TMEM135: variants seen among roughly 807,000 people sequenced by gnomAD.
TMEM135 encodes the protein peroxisomal membrane protein 52.
In TMEM135, 30 loss-of-function variants were observed where a neutral mutation model predicts 60.3. The observed-to-expected ratio is 0.50, with a 90% CI of 0.37 to 0.68. The LOEUF (loss-of-function observed/expected upper bound fraction) is 0.68. Among genes scored for constraint, TMEM135 ranks in the 30% least tolerant of loss-of-function variants. The pLI, the probability that TMEM135 is intolerant of heterozygous loss-of-function variation, is 0.00. For synonymous variants in TMEM135, 190 were observed against 186.7 expected (o/e 1.02, Z -0.14); for missense variants, 468 against 548.8 (o/e 0.85, Z 1.47).
At chr11:87,290,474 A>C (rs1021362208) in intron 6 of TMEM135, among the ~76,000 whole-genome samples, 2 of 152,210 alleles carry the variant, frequency 1.3e-5, no homozygotes, top group African/African-American at 4.8e-5. Flanking sequence ...AAATTCTTCC[A>C]AAAACAGTTT....
chr11:87,270,023 T>G (rs1430533391), intron 6 of TMEM135, among the ~76,000 whole-genome samples: 2 of 126,964 alleles, frequency 1.6e-5, no homozygotes, highest in Admixed American at 7.8e-5. Flanking sequence ...CCTGACTTTT[T>G]AATGATGGCC....
At chr11:87,165,741 A>G (rs1161192318) in intron 5 of TMEM135, among the ~76,000 whole-genome samples, 6 of 151,536 alleles carry the variant, frequency 4.0e-5, no homozygotes, top group East Asian at 1.9e-4. Flanking sequence ...AACTAAAATC[A>G]GAGCAGAACT....
chr11:87,100,966 A>G (rs1857444652), intron 4 of TMEM135, among the ~76,000 whole-genome samples: 1 of 152,246 alleles, frequency 6.6e-6, no homozygotes, highest in African/African-American at 2.4e-5. Flanking sequence ...ACTAGCACTT[A>G]AAAACATACA....
At chr11:87,171,895 A>G (rs1227265495) in intron 5 of TMEM135, among the ~76,000 whole-genome samples, 1 of 152,030 alleles carries the variant, frequency 6.6e-6, no homozygotes, top group Non-Finnish European at 1.5e-5. Context: ...TAGGGTTCAC[A>G]CTCTTATGAG....
At chr11:87,069,198 A>G (rs1417922979) in intron 2 of TMEM135, among the ~76,000 whole-genome samples, 1 of 145,044 alleles carries the variant, frequency 6.9e-6, no homozygotes, top group Non-Finnish European at 1.5e-5. Flanking sequence ...AGGCAGGAGA[A>G]TTGCTTGAAC....
chr11:87,132,108 T>A (rs1395691938), intron 4 of TMEM135, among the ~76,000 whole-genome samples: 1 of 152,164 alleles, frequency 6.6e-6, no homozygotes, highest in Non-Finnish European at 1.5e-5. Context: ...ATTATTTATT[T>A]CATCATATAT....
chr11:87,112,699 C>A (rs73531409), intron 4 of TMEM135, among the ~76,000 whole-genome samples: 1 of 151,900 alleles, frequency 6.6e-6, no homozygotes, highest in Non-Finnish European at 1.5e-5. Context: ...AGTTTTAAAA[C>A]AATACATTAT....
chr11:87,208,332 C>T (rs1247541581), intron 5 of TMEM135, among the ~76,000 whole-genome samples: 2 of 152,066 alleles, frequency 1.3e-5, no homozygotes, highest in Non-Finnish European at 1.5e-5. Context: ...TGAAATGATC[C>T]AAGATTTGAA....
At chr11:87,319,282 TA>T in intron 13 of TMEM135, 27 bp from the exon 14 acceptor site, 1 of 1,565,764 alleles carries the variant, frequency 6.4e-7, no homozygotes, top group Non-Finnish European at 8.8e-7. Flanking sequence ...TTATATTTAC[TA>T]AAAGAATTCT....
chr11:87,191,982 CTTTTCTTT>C (rs1487195024), intron 5 of TMEM135, among the ~76,000 whole-genome samples: 6 of 93,990 alleles, frequency 6.4e-5, no homozygotes, highest in African/African-American at 2.7e-4. Context: ...CTTTTCTTTT[CTTTTCTTT>C]TTTTTTTTTT....
intron 6 of TMEM135, among the ~76,000 whole-genome samples, chr11:87,245,681 T>A (rs1156340440): frequency 3.8e-5 from 5 of 132,290 alleles, no homozygotes; most frequent in Non-Finnish European, 1.6e-5. Flanking sequence ...AACCCCTGCC[T>A]TTTTTTGTTT....
chr11:87,204,892 C>A (rs188124159), intron 5 of TMEM135, among the ~76,000 whole-genome samples: 1 of 152,104 alleles, frequency 6.6e-6, no homozygotes, highest in Non-Finnish European at 1.5e-5. Flanking sequence ...TATGACTATT[C>A]TTTTCTTTAA....
chr11:87,319,984 T>C (rs934884274), intron 14 of TMEM135, among the ~76,000 whole-genome samples: 1 of 152,156 alleles, frequency 6.6e-6, no homozygotes, highest in Admixed American at 6.5e-5. Context: ...TACAATGAAA[T>C]AATAATGCAT....
In TMEM135 at chr11:87,252,252, A is replaced by C. The variant is rs568033341; in HGVS notation, c.509+15568A>C. 4.6e-5 allele frequency among the ~76,000 whole-genome samples: 7 copies of C among 152,270 alleles called. 1 individual carries two copies. The South Asian group carries it at 1.5e-3, about 32-fold the overall frequency. On this transcript the variant is annotated intron_variant, in intron 6 of 14. Coordinates refer to ENST00000305494, the MANE Select transcript of TMEM135 (RefSeq NM_022918.4). Reference sequence around the variant, plus strand: ...TGATAAATTGGGGAATGGGAAAGAGAATAGAGTCTAAACTCTGGTCCATAA... The same window carrying C: ...TGATAAATTGGGGAATGGGAAAGAGCATAGAGTCTAAACTCTGGTCCATAA...
chr11:87,211,810 G>A (rs199540336), intron 5 of TMEM135, among the ~76,000 whole-genome samples: 1 of 152,096 alleles, frequency 6.6e-6, no homozygotes, highest in South Asian at 2.1e-4. Flanking sequence ...TGGGCGTGGT[G>A]GCAGGCGCCT....
chr11:87,281,444 C>T (rs1942058201), intron 6 of TMEM135, among the ~76,000 whole-genome samples: 1 of 152,022 alleles, frequency 6.6e-6, no homozygotes, highest in Admixed American at 6.6e-5. Context: ...TGTAGACTAT[C>T]CTATTTCTGA....
At chr11:87,116,517 AT>A (rs1281825814) in intron 4 of TMEM135, among the ~76,000 whole-genome samples, 1 of 152,196 alleles carries the variant, frequency 6.6e-6, no homozygotes. Context: ...TTATAATTAA[AT>A]TATGACATTT....
intron 4 of TMEM135, among the ~76,000 whole-genome samples, chr11:87,136,542 C>A (rs567408287): frequency 5.3e-5 from 8 of 152,128 alleles, no homozygotes; most frequent in Non-Finnish European, 1.2e-4. Flanking sequence ...TCTTTCTTTT[C>A]AAATTCCTAG....
intron 4 of TMEM135, among the ~76,000 whole-genome samples, chr11:87,110,371 G>A (rs1857711011): frequency 6.6e-6 from 1 of 151,984 alleles, no homozygotes; most frequent in Non-Finnish European, 1.5e-5. Context: ...GCTGAAGCAG[G>A]ACAATTGCTT....
Sources: allele counts gnomAD v4.1 joint callset (sites outside exome capture counted in the v4.1 genomes callset), GRCh38; gene constraint gnomAD v4.1.1; transcripts MANE v1.5; gene names NCBI Gene and HGNC (gene_info 2026-07-23, HGNC 2026-07-21).